Variants in ATP9B observed in about 807,000 individuals in gnomAD.
ATP9B encodes ATPase phospholipid transporting 9B, also known as probable phospholipid-transporting ATPase IIB.
A neutral mutation model predicts 146.1 loss-of-function variants in ATP9B; 110 were observed. The observed-to-expected ratio is 0.75, with a 90% CI of 0.65 to 0.88. ATP9B has a LOEUF of 0.88. ATP9B is among the 40% of genes least tolerant of loss of function. The pLI is 0.00. For missense variants in ATP9B, 1,499 were observed against 1,496.4 expected (o/e 1.00, Z -0.03); for synonymous variants, 604 against 569.7 (o/e 1.06, Z -0.86).
At chr18:79,102,586 T>G (rs528289622) in intron 2 of ATP9B, among the ~76,000 whole-genome samples, 8 of 152,322 alleles carry the variant, frequency 5.3e-5, no homozygotes, top group African/African-American at 1.9e-4. Flanking sequence ...TTCTTCTTAC[T>G]TTTTTCAGAA....
At chr18:79,331,048 T>A (rs1161437932) in intron 17 of ATP9B, among the ~76,000 whole-genome samples, 1 of 152,232 alleles carries the variant, frequency 6.6e-6, no homozygotes, top group Non-Finnish European at 1.5e-5. Context: ...GATTTGTAGG[T>A]AGCCTCATGA....
At chr18:79,079,501 G>GC (rs1450678472) in intron 1 of ATP9B, among the ~76,000 whole-genome samples, 1 of 152,044 alleles carries the variant, frequency 6.6e-6, no homozygotes, top group African/African-American at 2.4e-5. Flanking sequence ...GGATTCGTTT[G>GC]TTTTTTTCTT....
At chr18:79,263,929 C>T (rs1325507999) in intron 12 of ATP9B, among the ~76,000 whole-genome samples, 4 of 152,016 alleles carry the variant, frequency 2.6e-5, no homozygotes, top group East Asian at 3.9e-4. Context: ...CTAAAAAATA[C>T]AAAAAATTAG....
intron 28 of ATP9B, 122 bp from the exon 29 acceptor site, chr18:79,375,272 G>A (rs1188354093): frequency 1.2e-5 from 10 of 836,858 alleles, no homozygotes; most frequent in Admixed American, 2.4e-5. Flanking sequence ...CATTGAAAAC[G>A]CAGCTTGCAC....
At chr18:79,208,479 C>T (rs537517027) in intron 10 of ATP9B, among the ~76,000 whole-genome samples, 1 of 152,256 alleles carries the variant, frequency 6.6e-6, no homozygotes, top group African/African-American at 2.4e-5. Context: ...CACAACAGGG[C>T]AGCTTTGTGT....
At chr18:79,200,756 T>TGGGGGGACTGTC (rs1568388723) in intron 9 of ATP9B, among the ~76,000 whole-genome samples, 1 of 152,210 alleles carries the variant, frequency 6.6e-6, no homozygotes, top group Admixed American at 6.5e-5. Context: ...GAGGTGGAGG[T>TGGGGGGACTGTC]GGGAACGTTG....
chr18:79,272,001 AT>A (rs2096260614), intron 12 of ATP9B, among the ~76,000 whole-genome samples: 1 of 152,102 alleles, frequency 6.6e-6, no homozygotes, highest in Non-Finnish European at 1.5e-5. Flanking sequence ...GATGATGAGC[AT>A]TTTTTTGTGT....
chr18:79,214,278 A>C (rs1278131356), intron 11 of ATP9B, among the ~76,000 whole-genome samples: 1 of 152,132 alleles, frequency 6.6e-6, no homozygotes, highest in African/African-American at 2.4e-5. Context: ...TTAAATTTTC[A>C]TTGTCAGATA....
At chr18:79,176,551 C>T (rs1251665062) in intron 7 of ATP9B, among the ~76,000 whole-genome samples, 1 of 151,990 alleles carries the variant, frequency 6.6e-6, no homozygotes, top group East Asian at 1.9e-4. Flanking sequence ...TAATGTTAAA[C>T]CTTAATAGGC....
At chr18:79,277,412 A>G (rs2096324477) in intron 13 of ATP9B, 4 of 465,800 alleles carry the variant, frequency 8.6e-6, no homozygotes, top group Non-Finnish European at 1.5e-5. Context: ...GAATTATCAA[A>G]ATGTTAAGTT....
intron 1 of ATP9B, among the ~76,000 whole-genome samples, chr18:79,078,481 G>A (rs953135968): frequency 6.6e-6 from 1 of 152,288 alleles, no homozygotes; most frequent in East Asian, 1.9e-4. Flanking sequence ...GAAGAACAGG[G>A]AGTAGCACAT....
intron 11 of ATP9B, among the ~76,000 whole-genome samples, chr18:79,219,842 G>A (rs1351312056): frequency 2.6e-5 from 4 of 152,278 alleles, no homozygotes; most frequent in South Asian, 2.1e-4. Context: ...CAACACTTTC[G>A]GTAGTGAAAT....
intron 7 of ATP9B, among the ~76,000 whole-genome samples, chr18:79,171,932 A>G (rs2095079490): frequency 6.6e-6 from 1 of 150,424 alleles, no homozygotes; most frequent in South Asian, 2.1e-4. Flanking sequence ...TCTGTCACCC[A>G]GGCTGGAGTG....
At chr18:79,351,489 A>G (rs903839646) in intron 25 of ATP9B, among the ~76,000 whole-genome samples, 2 of 152,260 alleles carry the variant, frequency 1.3e-5, no homozygotes, top group East Asian at 1.9e-4. Flanking sequence ...TTGAAAATAA[A>G]TAATGAGTTT....
At chr18:79,097,376 A>G (rs1464203406) in intron 2 of ATP9B, among the ~76,000 whole-genome samples, 1 of 150,110 alleles carries the variant, frequency 6.7e-6, no homozygotes, top group Non-Finnish European at 1.5e-5. Flanking sequence ...TTATATCATT[A>G]TTTTTCTGAG....
chr18:79,247,473 T>A (rs955878981), intron 11 of ATP9B, among the ~76,000 whole-genome samples: 1 of 152,216 alleles, frequency 6.6e-6, no homozygotes, highest in Non-Finnish European at 1.5e-5. Context: ...AACCTCATTC[T>A]GCACTCATGA....
At chr18:79,350,547 G>A (rs1355408224) in intron 25 of ATP9B, among the ~76,000 whole-genome samples, 1 of 152,158 alleles carries the variant, frequency 6.6e-6, no homozygotes, top group Admixed American at 6.5e-5. Flanking sequence ...ATGACTCTAC[G>A]TGACCAAAGA....
chr18:79,318,934 G>A (rs193295866), intron 15 of ATP9B, among the ~76,000 whole-genome samples: 171 of 152,304 alleles, frequency 1.1e-3, no homozygotes, highest in African/African-American at 3.9e-3. Flanking sequence ...TCTGGGTGGT[G>A]TGGTCTTCCT....
intron 25 of ATP9B, 28 bp downstream of exon 25, chr18:79,348,224 C>G: frequency 8.9e-7 from 1 of 1,119,048 alleles, no homozygotes; most frequent in Non-Finnish European, 1.3e-6. Context: ...CCTGCCAGCT[C>G]ATCCAGGGGA....
Sources: allele counts gnomAD v4.1 joint callset (sites outside exome capture counted in the v4.1 genomes callset), GRCh38; gene constraint gnomAD v4.1.1; transcripts MANE v1.5; gene names NCBI Gene and HGNC (gene_info 2026-07-23, HGNC 2026-07-21).